Variants in CNTLN observed in about 807,000 individuals in gnomAD.
CNTLN encodes centlein.
A neutral mutation model predicts 180.0 loss-of-function variants in CNTLN; 212 were observed. That is an observed-to-expected ratio of 1.18 (90% CI 1.05 to 1.32). The LOEUF is 1.32. Among genes scored for constraint, CNTLN ranks in the 40% most tolerant of loss-of-function variants. The probability of loss-of-function intolerance (pLI) is 0.00; values close to 1 mark genes in which losing one functional copy is unlikely to be tolerated. For synonymous variants in CNTLN, 722 were observed against 563.1 expected, an observed-to-expected ratio of 1.28 and a Z score of -3.99; for missense variants, 2,095 against 1,610.9, an observed-to-expected ratio of 1.30 and a Z score of -5.14.
chr9:17,230,746 T>G (rs1824761129), intron 3 of CNTLN, among the ~76,000 whole-genome samples: 1 of 152,100 alleles, frequency 6.6e-6, no homozygotes, highest in African/African-American at 2.4e-5. Flanking sequence ...TTGTGTGATC[T>G]TCCCTGTGAC....
intron 8 of CNTLN, among the ~76,000 whole-genome samples, chr9:17,326,672 A>G (rs1353602858): frequency 6.6e-6 from 1 of 152,188 alleles, no homozygotes; most frequent in Non-Finnish European, 1.5e-5. Context: ...ATCAAACTGA[A>G]TATCAACAGT....
chr9:17,244,673 C>T (rs1057266649), intron 5 of CNTLN, among the ~76,000 whole-genome samples: 3 of 152,098 alleles, frequency 2.0e-5, no homozygotes, highest in Non-Finnish European at 4.4e-5. Flanking sequence ...TTACTCCTGC[C>T]ATTTATTATT....
chr9:17,211,426 G>A (rs1187396818), intron 2 of CNTLN, among the ~76,000 whole-genome samples: 1 of 152,214 alleles, frequency 6.6e-6, no homozygotes, highest in South Asian at 2.1e-4. Context: ...CTCTGTTTTG[G>A]TACCAGTACC....
At chr9:17,378,675 C>A (rs1447536396) in intron 13 of CNTLN, among the ~76,000 whole-genome samples, 1 of 151,984 alleles carries the variant, frequency 6.6e-6, no homozygotes, top group Non-Finnish European at 1.5e-5. Context: ...TTTTCTTTTA[C>A]AATTTGGATT....
intron 15 of CNTLN, among the ~76,000 whole-genome samples, chr9:17,403,179 C>T (rs536013287): frequency 2.6e-5 from 4 of 151,786 alleles, no homozygotes; most frequent in Admixed American, 2.6e-4. Context: ...AAGAGATACA[C>T]ACAAAGCCCA....
Position 17,465,982 on chromosome 9 carries a change from T to C in CNTLN, c.3533T>C (p.Val1178Ala). Residue 1178 changes from valine (V) to alanine (A), a missense_variant and splice_region_variant, in exon 22 of 26, where the codon GTA becomes GCA. Physicochemically the swap from Val to Ala is moderately conservative, Grantham distance 64. Transcript: ENST00000380647. ...ATTACCTTTATGCTTTTAATGTAGG[T>C]AAAGACATTAACTGAAGAATGTTCC... is the stretch of plus-strand genomic sequence containing the variant. ...SEMLQNLDKK[V>A]KTLTEECSNK... The C allele has an allele frequency of 1.3e-6, 2 of 1,599,964 alleles. No homozygotes were observed. The highest frequency in any genetic ancestry group is 1.7e-6 in the Non-Finnish European group (2 of 1,170,992).
chr9:17,478,479 A>G (rs1211190053), intron 23 of CNTLN, among the ~76,000 whole-genome samples: 1 of 151,558 alleles, frequency 6.6e-6, no homozygotes, highest in Non-Finnish European at 1.5e-5. Flanking sequence ...ATCATTGTCC[A>G]GACCAGTGTC....
intron 16 of CNTLN, among the ~76,000 whole-genome samples, chr9:17,410,735 A>T (rs112966515): frequency 1.1e-4 from 17 of 152,192 alleles, no homozygotes; most frequent in African/African-American, 4.1e-4. Context: ...ATGTGATGTG[A>T]GATAGGGATT....
chr9:17,248,324 A>T (rs1219485600), intron 5 of CNTLN, among the ~76,000 whole-genome samples: 1 of 151,960 alleles, frequency 6.6e-6, no homozygotes, highest in Non-Finnish European at 1.5e-5. Flanking sequence ...ATTCTTCTTC[A>T]GAAGTTGGGT....
At chr9:17,218,017 A>C (rs1318169269) in intron 2 of CNTLN, among the ~76,000 whole-genome samples, 1 of 152,158 alleles carries the variant, frequency 6.6e-6, no homozygotes, top group African/African-American at 2.4e-5. Flanking sequence ...TCTGTACTCC[A>C]TAATTTACAG....
intron 23 of CNTLN, among the ~76,000 whole-genome samples, chr9:17,470,538 T>C (rs541534811): frequency 6.6e-6 from 1 of 152,080 alleles, no homozygotes; most frequent in Non-Finnish European, 1.5e-5. Flanking sequence ...CCATCTGTTC[T>C]AGATCTAGTC....
chr9:17,360,426 T>G (rs1174786039), intron 12 of CNTLN, among the ~76,000 whole-genome samples: 3 of 152,058 alleles, frequency 2.0e-5, no homozygotes, highest in Non-Finnish European at 4.4e-5. Context: ...GGAAGGGAGA[T>G]TCTGGCTAAA....
intron 16 of CNTLN, among the ~76,000 whole-genome samples, chr9:17,410,122 A>G (rs1311355767): frequency 6.6e-6 from 1 of 152,192 alleles, no homozygotes. Context: ...TACTACCAGA[A>G]TAAAGTTCAG....
intron 2 of CNTLN, among the ~76,000 whole-genome samples, chr9:17,199,048 A>G (rs1439781519): frequency 1.3e-5 from 2 of 152,226 alleles, no homozygotes; most frequent in East Asian, 1.9e-4. Flanking sequence ...TATACTCAGT[A>G]ATGGGATTGC....
intron 15 of CNTLN, among the ~76,000 whole-genome samples, chr9:17,402,394 A>T (rs1827048788): frequency 6.6e-6 from 1 of 151,814 alleles, no homozygotes; most frequent in African/African-American, 2.4e-5. Context: ...AAAGAAAAAT[A>T]CAGTTCTTCT....
At chr9:17,497,099 C>G (rs764741847) in intron 25 of CNTLN, among the ~76,000 whole-genome samples, 2 of 152,096 alleles carry the variant, frequency 1.3e-5, no homozygotes, top group Non-Finnish European at 1.5e-5. Context: ...AATTCAATTC[C>G]TTTTTGTGCT....
intron 25 of CNTLN, among the ~76,000 whole-genome samples, chr9:17,493,362 A>G (rs1032056376): frequency 1.2e-4 from 19 of 152,160 alleles, no homozygotes; most frequent in African/African-American, 4.6e-4. Flanking sequence ...TATTAATATA[A>G]GAGCCAAAAT....
intron 25 of CNTLN, among the ~76,000 whole-genome samples, chr9:17,490,514 C>G (rs72709716): frequency 6.6e-6 from 1 of 151,994 alleles, no homozygotes; most frequent in South Asian, 2.1e-4. Context: ...CTTTATGATT[C>G]CATTCATACA....
Position 17,457,611 on chromosome 9 carries a change from G to T in CNTLN, c.3202G>T (p.Ala1068Ser). ...LESSSEITSL[A>S]EENSQVTFPR... is the part of the protein sequence containing the mutation. ...GTCCTCATCTGAAATCACAAGTTTG[G>T]CAGAAGAAAATTCCCAGGTAACATT... Residue 1068 changes from alanine to serine, a missense_variant, in exon 19 of 26, where the codon GCA (alanine) becomes TCA (serine). Transcript: ENST00000380647. The T allele has an allele frequency of 6.4e-7, 1 of 1,566,786 alleles. No homozygotes were observed. The highest frequency in any genetic ancestry group is 8.7e-7 in the Non-Finnish European group (1 of 1,154,498).
Sources: allele counts gnomAD v4.1 joint callset (sites outside exome capture counted in the v4.1 genomes callset), GRCh38; gene constraint gnomAD v4.1.1; transcripts MANE v1.5; gene names NCBI Gene and HGNC (gene_info 2026-07-23, HGNC 2026-07-21).